The following THSD7A variants were observed in gnomAD, a reference collection of about 807,000 sequenced individuals.
The protein encoded by THSD7A is thrombospondin type-1 domain-containing protein 7A.
A neutral mutation model predicts 231.3 loss-of-function variants in THSD7A; 96 were observed. The observed-to-expected ratio is 0.41, with a 90% CI of 0.35 to 0.49. THSD7A has a LOEUF of 0.49. Among genes scored for constraint, THSD7A ranks in the 20% least tolerant of loss-of-function variants. The pLI, the probability that THSD7A is intolerant of heterozygous loss-of-function variation, is 0.05. For synonymous variants in THSD7A, 940 were observed against 743.3 expected (o/e 1.26, Z -4.30); for missense variants, 2,290 against 2,070.2 (o/e 1.11, Z -2.06).
intron 4 of THSD7A, among the ~76,000 whole-genome samples, chr7:11,587,792 T>C (rs1052091862): frequency 3.9e-5 from 6 of 152,202 alleles, no homozygotes; most frequent in African/African-American, 1.4e-4. Flanking sequence ...ATCATTCCCC[T>C]GTGTAACACA....
Position 11,401,892 on chromosome 7 carries a change from A to G in THSD7A, c.4314T>C (p.Phe1438=), listed in dbSNP as rs765323090. The change falls in exon 23 of 28, where the codon TTT becomes TTC. Residue 1438 remains phenylalanine, a synonymous_variant. Coordinates refer to ENST00000423059, the MANE Select transcript of THSD7A (RefSeq NM_015204.3). ...GTCTGGATCTGACCTGTATTCCACC[A>G]AAGCCTAGATCCTCACCATTCACAC... ...LTCVNGEDLG[F]GGIQVRSRPV... 6.2e-7 allele frequency: 1 copy of G among 1,613,928 alleles called. No homozygotes were observed. Among genetic ancestry groups the G allele is most frequent in the Non-Finnish European group, 8.5e-7 (1 of 1,179,878 alleles).
intron 1 of THSD7A, among the ~76,000 whole-genome samples, chr7:11,680,939 T>C (rs965692380): frequency 2.0e-5 from 3 of 152,076 alleles, no homozygotes; most frequent in Non-Finnish European, 4.4e-5. Flanking sequence ...CAACAAAGAC[T>C]TGGAACGAAC....
chr7:11,652,825 G>A (rs907880666), intron 1 of THSD7A, among the ~76,000 whole-genome samples: 1 of 151,892 alleles, frequency 6.6e-6, no homozygotes, highest in Non-Finnish European at 1.5e-5. Flanking sequence ...ATGTTTATTA[G>A]AACTTAGATT....
At chr7:11,735,606 G>A (rs970581259) in intron 1 of THSD7A, among the ~76,000 whole-genome samples, 1 of 151,796 alleles carries the variant, frequency 6.6e-6, no homozygotes, top group African/African-American at 2.4e-5. Flanking sequence ...AAACATTTCT[G>A]GTGATAAATA....
intron 1 of THSD7A, among the ~76,000 whole-genome samples, chr7:11,697,803 C>T (rs1004526408): frequency 6.6e-6 from 1 of 151,374 alleles, no homozygotes; most frequent in Middle Eastern, 3.2e-3. Context: ...CCTGTCCATA[C>T]TGAATGTCAC....
At chr7:11,394,736 C>T (rs528078150) in intron 23 of THSD7A, among the ~76,000 whole-genome samples, 3 of 152,164 alleles carry the variant, frequency 2.0e-5, no homozygotes, top group African/African-American at 4.8e-5. Context: ...TCCAGCTTCT[C>T]GGGGCTGCAC....
chr7:11,591,247 G>T (rs1291722193), intron 3 of THSD7A, among the ~76,000 whole-genome samples: 1 of 151,462 alleles, frequency 6.6e-6, no homozygotes, highest in East Asian at 1.9e-4. Flanking sequence ...TGGAGCACAG[G>T]AAAGAAGATC....
At chr7:11,813,180 T>G (rs1310568962) in intron 1 of THSD7A, among the ~76,000 whole-genome samples, 1 of 152,196 alleles carries the variant, frequency 6.6e-6, no homozygotes, top group Non-Finnish European at 1.5e-5. Flanking sequence ...TTTTTTTCTT[T>G]ATTGAAGACT....
At chr7:11,628,079 T>A (rs1462648968) in intron 2 of THSD7A, among the ~76,000 whole-genome samples, 2 of 152,126 alleles carry the variant, frequency 1.3e-5, no homozygotes, top group Non-Finnish European at 2.9e-5. Context: ...ATTGTGATTT[T>A]AAAATGTATG....
chr7:11,571,370 C>T (rs1790622009), intron 4 of THSD7A, among the ~76,000 whole-genome samples: 1 of 152,146 alleles, frequency 6.6e-6, no homozygotes, highest in African/African-American at 2.4e-5. Context: ...GGCATGTTTT[C>T]CCCTGTTGAG....
At chr7:11,552,307 C>T (rs1789664278) in intron 4 of THSD7A, among the ~76,000 whole-genome samples, 1 of 151,772 alleles carries the variant, frequency 6.6e-6, no homozygotes, top group Non-Finnish European at 1.5e-5. Context: ...TATCCCTGAA[C>T]TTAAAAGTTA....
At chr7:11,544,527 C>A (rs541593928) in intron 4 of THSD7A, among the ~76,000 whole-genome samples, 120 of 152,234 alleles carry the variant, frequency 7.9e-4, no homozygotes, top group African/African-American at 2.8e-3. Context: ...GGATTGCATG[C>A]AGAAGCTCAC....
chr7:11,499,703 C>T (rs1038137653), intron 6 of THSD7A, among the ~76,000 whole-genome samples: 2 of 152,116 alleles, frequency 1.3e-5, no homozygotes, highest in Admixed American at 1.3e-4. Context: ...ATAAAACAAG[C>T]TGAGAAAAGA....
intron 13 of THSD7A, among the ~76,000 whole-genome samples, chr7:11,433,971 G>A (rs1387518775): frequency 6.6e-6 from 1 of 151,978 alleles, no homozygotes; most frequent in East Asian, 1.9e-4. Context: ...AACTGCAAAA[G>A]CGTATATTGC....
At chr7:11,603,340 A>G (rs1216644341) in intron 2 of THSD7A, among the ~76,000 whole-genome samples, 1 of 151,852 alleles carries the variant, frequency 6.6e-6, no homozygotes, top group Non-Finnish European at 1.5e-5. Flanking sequence ...ACCATCTCAC[A>G]CCAGTTAGAA....
chr7:11,773,000 T>C (rs1783284153), intron 1 of THSD7A, among the ~76,000 whole-genome samples: 1 of 152,152 alleles, frequency 6.6e-6, no homozygotes, highest in Non-Finnish European at 1.5e-5. Context: ...TGATTAACAC[T>C]GATAGTCATA....
chr7:11,623,274 T>C (rs1247108495), intron 2 of THSD7A, among the ~76,000 whole-genome samples: 3 of 152,126 alleles, frequency 2.0e-5, no homozygotes, highest in Non-Finnish European at 4.4e-5. Flanking sequence ...CTCACTCCTC[T>C]TCCCACTTAG....
At chr7:11,779,675 T>C (rs539000909) in intron 1 of THSD7A, among the ~76,000 whole-genome samples, 2 of 152,328 alleles carry the variant, frequency 1.3e-5, no homozygotes, top group East Asian at 1.9e-4. Flanking sequence ...TTTGTTTTCA[T>C]AGGCCTAGTC....
intron 6 of THSD7A, among the ~76,000 whole-genome samples, chr7:11,509,050 C>T (rs966456418): frequency 7.2e-5 from 11 of 152,028 alleles, no homozygotes; most frequent in Admixed American, 5.2e-4. Flanking sequence ...GTATTATATG[C>T]TTAAAAATAT....
Sources: gnomAD v4.1 joint callset for allele counts (sites outside exome capture counted in the v4.1 genomes callset) on GRCh38, gnomAD v4.1.1 for gene constraint, MANE v1.5 for transcripts, NCBI Gene and HGNC (gene_info 2026-07-23, HGNC 2026-07-21) for gene names.